The following AFG1L variants were observed in gnomAD, a reference collection of about 807,000 sequenced individuals.
AFG1L encodes AFG1-like ATPase.
Under a neutral mutation model 62.2 loss-of-function variants are expected in AFG1L, and 53 were observed. The ratio of observed to expected loss-of-function variants is 0.85; its 90% CI spans 0.68 to 1.07. The LOEUF (loss-of-function observed/expected upper bound fraction) is 1.07. AFG1L is among the 50% of genes least tolerant of loss of function. AFG1L has a pLI of 0.00. For missense variants in AFG1L, 555 were observed against 590.5 expected (o/e 0.94, Z 0.62); for synonymous variants, 228 against 210.3 (o/e 1.08, Z -0.73).
intron 6 of AFG1L, among the ~76,000 whole-genome samples, chr6:108,395,134 A>G (rs1781233679): frequency 6.6e-6 from 1 of 152,192 alleles, no homozygotes; most frequent in Non-Finnish European, 1.5e-5. Flanking sequence ...GTAGTCTTTA[A>G]TTACCCAAAG....
chr6:108,519,312 T>G (rs911131567), intron 11 of AFG1L, among the ~76,000 whole-genome samples: 14 of 152,148 alleles, frequency 9.2e-5, no homozygotes, highest in African/African-American at 3.4e-4. Context: ...TCCTGTTGCA[T>G]TGTGGAGTAA....
intron 8 of AFG1L, among the ~76,000 whole-genome samples, chr6:108,471,180 G>A (rs1772876422): frequency 6.6e-6 from 1 of 152,150 alleles, no homozygotes; most frequent in Non-Finnish European, 1.5e-5. Context: ...TAGTGAATGT[G>A]AGTGAATCTT....
At chr6:108,395,972 G>T (rs1305787449) in intron 6 of AFG1L, among the ~76,000 whole-genome samples, 1 of 152,048 alleles carries the variant, frequency 6.6e-6, no homozygotes, top group Non-Finnish European at 1.5e-5. Context: ...CTTCCAAGTA[G>T]TTGGGCCCAC....
intron 7 of AFG1L, among the ~76,000 whole-genome samples, chr6:108,423,551 T>G (rs1363269418): frequency 6.6e-6 from 1 of 152,054 alleles, no homozygotes; most frequent in African/African-American, 2.4e-5. Context: ...TTATATTATA[T>G]TAGGGGTGCT....
intron 10 of AFG1L, among the ~76,000 whole-genome samples, chr6:108,479,698 T>A (rs1017144077): frequency 6.6e-6 from 1 of 152,214 alleles, no homozygotes; most frequent in Non-Finnish European, 1.5e-5. Flanking sequence ...TGAGTTATAA[T>A]GATCTTATGA....
intron 1 of AFG1L, among the ~76,000 whole-genome samples, chr6:108,300,224 C>A (rs1776931931): frequency 6.6e-6 from 1 of 151,928 alleles, no homozygotes; most frequent in Admixed American, 6.6e-5. Flanking sequence ...TCTTGGCTCA[C>A]TGCAACCTCT....
intron 12 of AFG1L, chr6:108,520,045 G>A (rs1375917525): frequency 3.3e-6 from 1 of 307,650 alleles, no homozygotes; most frequent in African/African-American, 2.2e-5. Context: ...CATTTTGCAT[G>A]TGATAAAAAT....
intron 4 of AFG1L, 96 bp downstream of exon 4, chr6:108,355,851 T>C (rs1291052976): frequency 1.2e-6 from 1 of 853,444 alleles, no homozygotes; most frequent in Non-Finnish European, 1.9e-6. Context: ...AAAAATTAGA[T>C]TTTTGCTTGC....
intron 6 of AFG1L, among the ~76,000 whole-genome samples, chr6:108,370,139 A>AC (rs1779940225): frequency 4.5e-3 from 1 of 222 alleles, no homozygotes; most frequent in South Asian, 0.5. Flanking sequence ...GTACAAGTTG[A>AC]TCTGTAGAGG....
chr6:108,516,051 C>T (rs1267762086), intron 11 of AFG1L, among the ~76,000 whole-genome samples: 2 of 152,272 alleles, frequency 1.3e-5, no homozygotes, highest in Middle Eastern at 3.4e-3. Context: ...GATGGATTCA[C>T]AGCCGAATTC....
chr6:108,342,975 T>C (rs370682972), intron 2 of AFG1L, among the ~76,000 whole-genome samples: 6 of 151,990 alleles, frequency 3.9e-5, no homozygotes, highest in African/African-American at 1.5e-4. Flanking sequence ...ATATGTAATA[T>C]ATAATGTAGT....
Position 108,523,802 on chromosome 6 carries a change from A to G in AFG1L, c.*1377A>G, listed in dbSNP as rs1417664577. 1 of 152,116 alleles carries G rather than the reference A, an allele frequency of 6.6e-6. No homozygotes were observed. The highest frequency in any genetic ancestry group is 6.5e-5 in the Admixed American group (1 of 15,270). 9.4% of individuals were successfully genotyped at this position (152,116 alleles called of 1,614,324 possible). ...TAGATGGATGAGTACCCAAGCCGAG[A>G]GAAGAGTTTAAATCAAGCCTTCTGT... On this transcript the variant is annotated 3_prime_UTR_variant, in exon 13 of 13. Transcript: ENST00000368977.
At chr6:108,373,199 C>G (rs925617031) in intron 6 of AFG1L, among the ~76,000 whole-genome samples, 2 of 152,026 alleles carry the variant, frequency 1.3e-5, no homozygotes, top group African/African-American at 4.8e-5. Flanking sequence ...CTACCCTTCC[C>G]CTCTAGTAGT....
In AFG1L at chr6:108,302,942, A is replaced by AT. The variant is rs1175473107; in HGVS notation, c.139+7724_139+7725insT. ...AAAGCTGTCAATAGCTCAAAAAAAAAAAAGTTTCCTTGACTCTGGAAATCG... is the reference window on the plus strand; with the variant it reads ...AAAGCTGTCAATAGCTCAAAAAAAAATAAAGTTTCCTTGACTCTGGAAATCG... On this transcript the variant is annotated intron_variant, in intron 1 of 12. Transcript: ENST00000368977. Among the ~76,000 whole-genome samples, 7 of 152,278 alleles carry AT rather than the reference A, an allele frequency of 4.6e-5. 1 individual carries two copies. The highest frequency in any genetic ancestry group is 3.4e-3 in the Middle Eastern group (1 of 294).
At chr6:108,486,655 T>C (rs1213982169) in intron 10 of AFG1L, among the ~76,000 whole-genome samples, 1 of 152,196 alleles carries the variant, frequency 6.6e-6, no homozygotes, top group Non-Finnish European at 1.5e-5. Context: ...TCAAGAAATA[T>C]ATGCTATGTA....
chr6:108,384,771 AT>A (rs1163102170), intron 6 of AFG1L, among the ~76,000 whole-genome samples: 3 of 152,054 alleles, frequency 2.0e-5, no homozygotes, highest in Admixed American at 2.0e-4. Flanking sequence ...AAAAATTTAA[AT>A]TCTAGAACTA....
At chr6:108,500,169 T>TGCGC (rs1390688616) in intron 10 of AFG1L, among the ~76,000 whole-genome samples, 2 of 120,926 alleles carry the variant, frequency 1.7e-5, no homozygotes, top group East Asian at 5.6e-4. Flanking sequence ...CCATGGTGCG[T>TGCGC]GCGTGTGTGT....
At chr6:108,466,323 T>C (rs751411959) in intron 8 of AFG1L, among the ~76,000 whole-genome samples, 1 of 152,170 alleles carries the variant, frequency 6.6e-6, no homozygotes, top group Non-Finnish European at 1.5e-5. Context: ...TATATGAGTT[T>C]ACCAAAAGGA....
chr6:108,441,450 A>G (rs1228294442), intron 7 of AFG1L, among the ~76,000 whole-genome samples: 1 of 152,032 alleles, frequency 6.6e-6, no homozygotes, highest in Non-Finnish European at 1.5e-5. Flanking sequence ...TTGTATATAT[A>G]AATATGCAAA....
Sources: allele counts gnomAD v4.1 joint callset (sites outside exome capture counted in the v4.1 genomes callset), GRCh38; gene constraint gnomAD v4.1.1; transcripts MANE v1.5; gene names NCBI Gene and HGNC (gene_info 2026-07-23, HGNC 2026-07-21).